UGT1A8: variants seen among roughly 807,000 people sequenced by gnomAD.
UGT1A8 encodes UDP glucuronosyltransferase family 1 member A8.
A neutral mutation model predicts 45.3 loss-of-function variants in UGT1A8; 39 were observed. The observed-to-expected ratio is 0.86, with a 90% CI of 0.67 to 1.12. The LOEUF is 1.12. Ranked by LOEUF, UGT1A8 falls within the 50% of genes most tolerant of loss-of-function variation. The probability of loss-of-function intolerance (pLI) is 0.00; values close to 1 mark genes in which losing one functional copy is unlikely to be tolerated. For synonymous variants in UGT1A8, 275 were observed against 249.2 expected, an observed-to-expected ratio of 1.10 and a Z score of -0.97; for missense variants, 719 against 664.9, an observed-to-expected ratio of 1.08 and a Z score of -0.90.
At chr2:233,747,780 C>T (rs1371324079) in intron 1 of UGT1A8, 2 of 1,613,384 alleles carry the variant, frequency 1.2e-6, no homozygotes, top group Non-Finnish European at 1.7e-6. Flanking sequence ...GTGTCCAAAT[C>T]CTTCCTCCTA....
intron 1 of UGT1A8, among the ~76,000 whole-genome samples, chr2:233,751,390 T>C (rs1694715648): frequency 6.6e-6 from 1 of 152,170 alleles, no homozygotes; most frequent in Non-Finnish European, 1.5e-5. Flanking sequence ...TTGTCTCAGA[T>C]AAGACTTTGG....
At chr2:233,654,041 C>CT (rs1255973004) in intron 1 of UGT1A8, among the ~76,000 whole-genome samples, 1 of 152,186 alleles carries the variant, frequency 6.6e-6, no homozygotes, top group East Asian at 1.9e-4. Flanking sequence ...AATTTGTGAG[C>CT]ATAAAATGAA....
At chr2:233,668,008 A>G (rs914560486) in intron 1 of UGT1A8, among the ~76,000 whole-genome samples, 4 of 152,252 alleles carry the variant, frequency 2.6e-5, no homozygotes, top group Non-Finnish European at 5.9e-5. Context: ...AAGAATTCCC[A>G]TATATCTTTT....
At position 233,769,746 on chromosome 2, in the gene UGT1A8, T is replaced by A; in HGVS notation, c.1295+1307T>A. On this transcript the variant is annotated intron_variant, in intron 4 of 4. Transcript: ENST00000373450. This position sits in a 1 kb window ranked among gnomAD's most constrained non-coding sequence, Gnocchi z 4.4. ...GGCACACGCCTGTAGTCCCAGCCAC[T>A]CTGGAGGCTAAGGCGGGAGGATTGC... 3 of 1,441,832 alleles carry A rather than the reference T, an allele frequency of 2.1e-6. No individual in the cohort carries two copies. Among genetic ancestry groups the A allele is most frequent in the Non-Finnish European group, 2.7e-6 (3 of 1,095,648 alleles). The allele number at this position is 1,441,832 out of a possible 1,614,324, so 89.3% of individuals were successfully genotyped here. A position where few individuals can be genotyped will look rare whatever the true frequency, so the allele number is the denominator to read the frequency against.
chr2:233,697,193 G>A (rs1354175694), intron 1 of UGT1A8, among the ~76,000 whole-genome samples: 1 of 152,116 alleles, frequency 6.6e-6, no homozygotes, highest in African/African-American at 2.4e-5. Context: ...ATTCAGCAGT[G>A]AATCCATCTG....
chr2:233,725,463 A>G (rs1262858111), intron 1 of UGT1A8, among the ~76,000 whole-genome samples: 1 of 152,026 alleles, frequency 6.6e-6, no homozygotes, highest in Non-Finnish European at 1.5e-5. Flanking sequence ...AAACTTTTCT[A>G]GTGGGCATGT....
intron 1 of UGT1A8, among the ~76,000 whole-genome samples, chr2:233,657,391 A>G (rs1472060945): frequency 2.6e-5 from 4 of 152,232 alleles, no homozygotes; most frequent in Admixed American, 6.5e-5. Context: ...GACTTGGGCT[A>G]CTTCCACTCA....
chr2:233,751,741 C>G (rs1161851392), intron 1 of UGT1A8, among the ~76,000 whole-genome samples: 2 of 152,164 alleles, frequency 1.3e-5, no homozygotes, highest in East Asian at 1.9e-4. Context: ...CTCTGTTTCT[C>G]TCTTGCTTGC....
At position 233,648,553 on chromosome 2, in the gene UGT1A8, C is replaced by G. The variant is rs545546860; in HGVS notation, c.855+29991C>G. 385 of 177,268 alleles carry G rather than the reference C, an allele frequency of 2.2e-3. 4 individuals carry two copies. Among genetic ancestry groups the G allele is most frequent in the African/African-American group, 9.0e-3 (379 of 42,000 alleles). The allele number at this position is 177,268 out of a possible 1,614,324, so 11.0% of individuals were successfully genotyped here. The stretch of plus-strand genomic sequence containing the variant: ...TCGGCTCACTGCAAACTGCACCTCC[C>G]GGGTTCACGCCATTCCTCTGCCTCA... On this transcript the variant is annotated intron_variant, in intron 1 of 4. Transcript: ENST00000373450.
At chr2:233,743,580 C>T (rs1377073083) in intron 1 of UGT1A8, 3 of 1,367,180 alleles carry the variant, frequency 2.2e-6, no homozygotes, top group Non-Finnish European at 2.9e-6. Context: ...CCCAAGAGGT[C>T]AAAGGAGAAT....
chr2:233,675,024 T>C (rs1238493978), intron 1 of UGT1A8, among the ~76,000 whole-genome samples: 1 of 152,150 alleles, frequency 6.6e-6, no homozygotes, highest in African/African-American at 2.4e-5. Context: ...TGATGGAGTA[T>C]GTGTTTGCAC....
In UGT1A8 at chr2:233,746,570, C is replaced by T. The variant is rs537470722; in HGVS notation, c.856-20464C>T. Among the ~76,000 whole-genome samples the T allele has an allele frequency of 1.8e-3, 270 of 151,834 alleles. 4 individuals are homozygous for T. The highest frequency in any genetic ancestry group is 3.0e-3 in the Non-Finnish European group (201 of 68,008). ...CTTCTTAGCCCCTAGAGCACCACACCCTGTAATTGCCTAGTTGTGAGTTTG... is the reference window on the plus strand; with the variant it reads ...CTTCTTAGCCCCTAGAGCACCACACTCTGTAATTGCCTAGTTGTGAGTTTG... On this transcript the variant is annotated intron_variant, in intron 1 of 4. Coordinates refer to ENST00000373450, the MANE Select transcript of UGT1A8 (RefSeq NM_019076.5).
chr2:233,734,192 C>T (rs7567468), intron 1 of UGT1A8, among the ~76,000 whole-genome samples: 44,730 of 151,966 alleles, frequency 0.29, 6,702 homozygotes, highest in South Asian at 0.39. Context: ...ATTATTGCCT[C>T]AATTTCAGAG....
At chr2:233,690,213 C>T (rs927576609) in intron 1 of UGT1A8, among the ~76,000 whole-genome samples, 4 of 152,156 alleles carry the variant, frequency 2.6e-5, no homozygotes, top group Non-Finnish European at 4.4e-5. Context: ...CAATGTTTGC[C>T]ATTTTAGTAT....
At chr2:233,629,781 A>G (rs989438143) in intron 1 of UGT1A8, among the ~76,000 whole-genome samples, 6 of 152,148 alleles carry the variant, frequency 3.9e-5, no homozygotes, top group Non-Finnish European at 8.8e-5. Flanking sequence ...TTTGAATTAC[A>G]AATACAAATT....
Position 233,768,056 on chromosome 2 carries a change from T to G in UGT1A8, c.1075+120T>G, listed in dbSNP as rs35523971. The G allele has an allele frequency of 3.2e-4, 515 of 1,603,390 alleles. No homozygotes were observed. In the African/African-American group the frequency reaches 5.5e-3, roughly 17 times the overall value. On this transcript the variant is annotated intron_variant, in intron 3 of 4. Transcript: ENST00000373450. The stretch of plus-strand genomic sequence containing the variant: ...ATATTATGGCCAACATATCCTACAT[T>G]GCTTTTTATCTAGTGGGGTATCTCA...
intron 1 of UGT1A8, chr2:233,747,179 G>T: frequency 3.1e-6 from 5 of 1,601,464 alleles, no homozygotes; most frequent in Non-Finnish European, 4.3e-6. Context: ...GCACAGCGTG[G>T]GGTGGACAGT....
intron 1 of UGT1A8, among the ~76,000 whole-genome samples, chr2:233,740,100 A>G (rs17862874): frequency 0.037 from 5,662 of 151,960 alleles, 157 homozygotes; most frequent in Non-Finnish European, 0.057. Context: ...CATGTGAGAC[A>G]TGCCTTTGCT....
chr2:233,767,249 T>C, intron 2 of UGT1A8, 84 bp downstream of exon 2: 1 of 1,600,756 alleles, frequency 6.2e-7, no homozygotes, highest in Non-Finnish European at 8.5e-7. Context: ...TTAATTCTCT[T>C]AATTGGAACC....
Sources: gnomAD v4.1 joint callset for allele counts (sites outside exome capture counted in the v4.1 genomes callset) on GRCh38, gnomAD v4.1.1 for gene constraint, Gnocchi (gnomAD v3.1) non-coding constraint, MANE v1.5 for transcripts, NCBI Gene and HGNC (gene_info 2026-07-23, HGNC 2026-07-21) for gene names.